Variants in ACAP2 observed in about 807,000 individuals in gnomAD.
The protein encoded by ACAP2 is arf-GAP with coiled-coil, ANK repeat and PH domain-containing protein 2.
In ACAP2, 39 loss-of-function variants were observed where a neutral mutation model predicts 115.8. That is an observed-to-expected ratio of 0.34 (90% CI 0.26 to 0.44). The LOEUF is 0.44. ACAP2 is among the 20% of genes least tolerant of loss of function. The pLI, the probability that ACAP2 is intolerant of heterozygous loss-of-function variation, is 1.00. For synonymous variants in ACAP2, 289 were observed against 315.8 expected, an observed-to-expected ratio of 0.92 and a Z score of 0.90; for missense variants, 662 against 927.6, an observed-to-expected ratio of 0.71 and a Z score of 3.72.
chr3:195,349,178 T>C (rs1731377609), intron 4 of ACAP2, among the ~76,000 whole-genome samples: 1 of 150,914 alleles, frequency 6.6e-6, no homozygotes, highest in Non-Finnish European at 1.5e-5. Flanking sequence ...AAATAGAAAC[T>C]GAACATTAAA....
chr3:195,382,090 T>C (rs1399507115), intron 2 of ACAP2, 68 bp from the exon 3 acceptor site: 5 of 1,476,582 alleles, frequency 3.4e-6, no homozygotes, highest in Non-Finnish European at 4.6e-6. Flanking sequence ...GAACAAGTGT[T>C]GGCAGTAACT....
At chr3:195,337,780 C>T (rs546244539) in intron 6 of ACAP2, among the ~76,000 whole-genome samples, 1 of 152,212 alleles carries the variant, frequency 6.6e-6, no homozygotes, top group Admixed American at 6.5e-5. Flanking sequence ...ATCATGTTAC[C>T]TCTACCTTAA....
At chr3:195,352,962 T>C (rs563889271) in intron 4 of ACAP2, among the ~76,000 whole-genome samples, 210 of 151,828 alleles carry the variant, frequency 1.4e-3, no homozygotes, top group Admixed American at 2.4e-3. Flanking sequence ...ACATCTGTAA[T>C]CCTAGCTACT....
At chr3:195,357,498 G>A (rs1732053451) in intron 4 of ACAP2, among the ~76,000 whole-genome samples, 1 of 152,048 alleles carries the variant, frequency 6.6e-6, no homozygotes, top group Non-Finnish European at 1.5e-5. Flanking sequence ...TTGCAGCCAG[G>A]TAATAGTTAC....
At chr3:195,313,193 A>C (rs1029768615) in intron 10 of ACAP2, among the ~76,000 whole-genome samples, 2 of 152,230 alleles carry the variant, frequency 1.3e-5, no homozygotes, top group Non-Finnish European at 2.9e-5. Flanking sequence ...TCCAACTCTT[A>C]AGACTCTGAA....
At chr3:195,342,680 C>G (rs1560265294) in intron 5 of ACAP2, 26 bp from the exon 6 acceptor site, 1 of 1,557,384 alleles carries the variant, frequency 6.4e-7, no homozygotes, top group South Asian at 1.2e-5. Context: ...CTTAGTGAAA[C>G]TTTTATAACT....
chr3:195,381,413 T>C (rs1350325496), intron 3 of ACAP2, among the ~76,000 whole-genome samples: 2 of 152,186 alleles, frequency 1.3e-5, no homozygotes, highest in Non-Finnish European at 2.9e-5. Flanking sequence ...CACCCATTTC[T>C]TCACCAGTTA....
intron 13 of ACAP2, among the ~76,000 whole-genome samples, chr3:195,306,176 A>C (rs1373862811): frequency 6.6e-6 from 1 of 152,152 alleles, no homozygotes; most frequent in Non-Finnish European, 1.5e-5. Flanking sequence ...GCTTTCATTC[A>C]GTTTTAAACA....
chr3:195,380,860 A>C, intron 4 of ACAP2, 149 bp downstream of exon 4: 2 of 670,832 alleles, frequency 3.0e-6, no homozygotes, highest in Non-Finnish European at 5.2e-6. Context: ...ATACACACAC[A>C]GCGTACATTT....
intron 9 of ACAP2, among the ~76,000 whole-genome samples, chr3:195,322,324 G>A (rs1577298126): frequency 2.0e-5 from 3 of 152,144 alleles, no homozygotes; most frequent in African/African-American, 2.4e-5. Context: ...TAAACGTCCT[G>A]TCTTGGGAAA....
intron 4 of ACAP2, among the ~76,000 whole-genome samples, chr3:195,354,666 CTCTT>C: frequency 6.6e-6 from 1 of 152,284 alleles, no homozygotes; most frequent in African/African-American, 2.4e-5. Context: ...TGTGCAGAAA[CTCTT>C]TAATTAGATC....
chr3:195,418,462 T>C (rs1713914124), intron 1 of ACAP2, among the ~76,000 whole-genome samples: 1 of 152,218 alleles, frequency 6.6e-6, no homozygotes, highest in Non-Finnish European at 1.5e-5. Flanking sequence ...TTTGTTGTTC[T>C]TGCCAGGGCA....
chr3:195,401,545 C>T (rs187011289), intron 1 of ACAP2, among the ~76,000 whole-genome samples: 1 of 152,208 alleles, frequency 6.6e-6, no homozygotes, highest in African/African-American at 2.4e-5. Context: ...TGCACGCCTG[C>T]AATCCCAGCT....
chr3:195,341,482 G>A (rs1373910612), intron 6 of ACAP2, among the ~76,000 whole-genome samples: 16 of 151,844 alleles, frequency 1.1e-4, no homozygotes, highest in Non-Finnish European at 8.8e-5. Flanking sequence ...CCGCCACCAC[G>A]CCCAGCTAAT....
intron 1 of ACAP2, among the ~76,000 whole-genome samples, chr3:195,434,562 T>A (rs538183124): frequency 6.6e-6 from 1 of 152,288 alleles, no homozygotes; most frequent in Non-Finnish European, 1.5e-5. Context: ...TTGTGATACA[T>A]CACCTGGCTT....
intron 2 of ACAP2, among the ~76,000 whole-genome samples, chr3:195,390,489 T>C (rs1734596930): frequency 6.6e-6 from 1 of 152,204 alleles, no homozygotes; most frequent in Non-Finnish European, 1.5e-5. Flanking sequence ...TCTAGACTAT[T>C]TATATTATAT....
intron 10 of ACAP2, among the ~76,000 whole-genome samples, chr3:195,316,208 T>G (rs562369378): frequency 3.9e-5 from 6 of 151,928 alleles, no homozygotes; most frequent in South Asian, 2.1e-4. Flanking sequence ...TTTTTGTTTT[T>G]TTTTTTTTCC....
chr3:195,436,734 C>T (rs1032012125), intron 1 of ACAP2, among the ~76,000 whole-genome samples: 1 of 152,024 alleles, frequency 6.6e-6, no homozygotes, highest in African/African-American at 2.4e-5. Flanking sequence ...ATATGTAAAA[C>T]ATATAACAAG....
In ACAP2 at chr3:195,342,537, T is replaced by A; in HGVS notation, c.462A>T (p.Glu154Asp). ...TTGTTGCTGTCAGAATGTTGGTGGC[T>A]TCTTCAACTTCATGTTGTTTGTTTC... ...VQRNKQHEVE[E>D]ATNILTATRK... is the part of the protein sequence containing the mutation. The change falls in exon 6 of 23, where the codon GAA becomes GAT. Residue 154 changes from glutamate (E) to aspartate (D), a missense_variant. By Grantham distance (45) the Glu-to-Asp change is conservative. Coordinates refer to ENST00000326793, the MANE Select transcript of ACAP2 (RefSeq NM_012287.6). 6.2e-7 allele frequency: 1 copy of A among 1,613,056 alleles called. No individual in the cohort carries two copies. The highest frequency in any genetic ancestry group is 1.1e-5 in the South Asian group (1 of 90,620).
Sources: gnomAD v4.1 joint callset for allele counts (sites outside exome capture counted in the v4.1 genomes callset) on GRCh38, gnomAD v4.1.1 for gene constraint, MANE v1.5 for transcripts, NCBI Gene and HGNC (gene_info 2026-07-23, HGNC 2026-07-21) for gene names.